The following RBFOX1 variants were observed in gnomAD, a reference collection of about 807,000 sequenced individuals.
The protein encoded by RBFOX1 is RNA binding fox-1 homolog 1, also known as RNA binding protein fox-1 homolog 1.
In RBFOX1, 8 loss-of-function variants were observed where a neutral mutation model predicts 57.7. That is an observed-to-expected ratio of 0.14 (90% CI 0.08 to 0.25). RBFOX1 has a LOEUF of 0.25. RBFOX1 is among the 10% of genes least tolerant of loss of function. The pLI is 1.00. For synonymous variants in RBFOX1, 326 were observed against 222.4 expected, an observed-to-expected ratio of 1.47 and a Z score of -4.15; for missense variants, 611 against 548.5, an observed-to-expected ratio of 1.11 and a Z score of -1.14.
At chr16:6,823,974 GA>G (rs1234207506) in intron 3 of RBFOX1, among the ~76,000 whole-genome samples, 4 of 152,212 alleles carry the variant, frequency 2.6e-5, no homozygotes, top group African/African-American at 9.7e-5. Context: ...TCCAAATCTT[GA>G]AGGATGGGTA....
intron 1 of RBFOX1, among the ~76,000 whole-genome samples, chr16:6,271,091 A>G (rs1051640027): frequency 6.6e-6 from 1 of 152,198 alleles, no homozygotes; most frequent in African/African-American, 2.4e-5. Flanking sequence ...GAGAAGAGGA[A>G]AAGCTTCAAA....
chr16:7,057,943 G>A (rs1039579031), intron 4 of RBFOX1, among the ~76,000 whole-genome samples: 16 of 150,324 alleles, frequency 1.1e-4, no homozygotes, highest in African/African-American at 3.9e-4. Context: ...GGGAGGTGGA[G>A]GTTGCAGTGA....
chr16:7,245,303 T>C (rs964566719), intron 4 of RBFOX1, among the ~76,000 whole-genome samples: 1 of 152,224 alleles, frequency 6.6e-6, no homozygotes, highest in African/African-American at 2.4e-5. Flanking sequence ...ATCTTTTGTT[T>C]CCTGTACTCT....
intron 1 of RBFOX1, among the ~76,000 whole-genome samples, chr16:5,276,062 G>A (rs922482583): frequency 8.5e-5 from 13 of 152,096 alleles, no homozygotes; most frequent in Admixed American, 7.2e-4. Context: ...TTAAATCTAA[G>A]GTCTGAAACC....
At chr16:7,018,827 A>G (rs1449839092) in intron 3 of RBFOX1, among the ~76,000 whole-genome samples, 1 of 151,952 alleles carries the variant, frequency 6.6e-6, no homozygotes, top group Non-Finnish European at 1.5e-5. Context: ...ACAGATTAAA[A>G]CCCACTCTAG....
chr16:6,483,793 G>A, intron 2 of RBFOX1: 7 of 1,384,546 alleles, frequency 5.1e-6, no homozygotes, highest in Middle Eastern at 5.4e-4. Flanking sequence ...AGACACGGTG[G>A]CGGCGTGTGC....
intron 2 of RBFOX1, among the ~76,000 whole-genome samples, chr16:5,594,329 T>C (rs1190209310): frequency 2.0e-5 from 3 of 152,214 alleles, no homozygotes; most frequent in Admixed American, 6.5e-5. Context: ...TACATGAATA[T>C]GTCTGTGAGC....
chr16:6,767,783 G>A (rs900556293), intron 3 of RBFOX1, among the ~76,000 whole-genome samples: 5 of 151,662 alleles, frequency 3.3e-5, no homozygotes, highest in Admixed American at 1.3e-4. Flanking sequence ...GCATGGTGAC[G>A]GGTGCCTGTA....
intron 1 of RBFOX1, among the ~76,000 whole-genome samples, chr16:6,062,621 T>TATACATATA (rs6145734): frequency 1.4e-5 from 2 of 147,712 alleles, no homozygotes; most frequent in Admixed American, 6.8e-5. Flanking sequence ...AATATATAAA[T>TATACATATA]ATATATAACA....
At chr16:6,184,263 C>T (rs937313558) in intron 1 of RBFOX1, among the ~76,000 whole-genome samples, 2 of 152,220 alleles carry the variant, frequency 1.3e-5, no homozygotes, top group African/African-American at 4.8e-5. Flanking sequence ...ACAGCCAAAC[C>T]ATATCAGAGG....
rs149257416 is a variant in RBFOX1, at chr16:6,307,752, A to G, written c.-126-9243A>G. Reference sequence around the variant, plus strand: ...TGATAATTATTTCCATATTTTATACATGATGATTGTTTATATTATTTATAT... The same window carrying G: ...TGATAATTATTTCCATATTTTATACGTGATGATTGTTTATATTATTTATAT... On this transcript the variant is annotated intron_variant, in intron 1 of 15. Coordinates refer to ENST00000550418, the MANE Select transcript of RBFOX1 (RefSeq NM_018723.4). Among the ~76,000 whole-genome samples, 32 of 146,892 alleles carry G rather than the reference A, an allele frequency of 2.2e-4. No individual in the cohort carries two copies. The East Asian group carries it at 5.2e-3, about 24-fold the overall frequency.
chr16:7,567,477 ATGTATGGCC>A (rs2092100071), intron 5 of RBFOX1, among the ~76,000 whole-genome samples: 1 of 73,582 alleles, frequency 1.4e-5, no homozygotes, highest in Non-Finnish European at 2.8e-5. Flanking sequence ...ATATATCCCT[ATGTATGGCC>A]CTATATGTAT....
At chr16:5,975,989 C>G (rs1008642288) in intron 4 of RBFOX1, among the ~76,000 whole-genome samples, 1 of 151,874 alleles carries the variant, frequency 6.6e-6, no homozygotes, top group Non-Finnish European at 1.5e-5. Context: ...GCTAATAATA[C>G]AAAAATTAGC....
chr16:5,559,020 C>G (rs748796504), intron 2 of RBFOX1, among the ~76,000 whole-genome samples: 30 of 152,136 alleles, frequency 2.0e-4, no homozygotes, highest in Non-Finnish European at 4.3e-4. Context: ...TACCCTGAAA[C>G]CATAGCAGTT....
chr16:6,949,876 A>G (rs1447080201), intron 3 of RBFOX1, among the ~76,000 whole-genome samples: 2 of 151,700 alleles, frequency 1.3e-5, no homozygotes, highest in African/African-American at 2.4e-5. Context: ...CTGTTGCTGA[A>G]CTGTTCTCCC....
chr16:5,527,071 T>G (rs562827337), intron 2 of RBFOX1, among the ~76,000 whole-genome samples: 1 of 152,322 alleles, frequency 6.6e-6, no homozygotes, highest in East Asian at 1.9e-4. Flanking sequence ...TCAGTAATTA[T>G]GATAGAAACC....
intron 3 of RBFOX1, among the ~76,000 whole-genome samples, chr16:5,859,383 C>G (rs754210869): frequency 1.3e-5 from 2 of 152,166 alleles, no homozygotes; most frequent in Non-Finnish European, 2.9e-5. Flanking sequence ...GCCAGACGTT[C>G]CCATTGAATA....
intron 4 of RBFOX1, among the ~76,000 whole-genome samples, chr16:7,379,499 T>G (rs753291229): frequency 6.6e-6 from 1 of 152,190 alleles, no homozygotes; most frequent in African/African-American, 2.4e-5. Flanking sequence ...TGTGGATAAT[T>G]TACTAAAAAA....
intron 2 of RBFOX1, among the ~76,000 whole-genome samples, chr16:6,400,412 T>A (rs2093021192): frequency 6.6e-6 from 1 of 152,152 alleles, no homozygotes; most frequent in South Asian, 2.1e-4. Context: ...AATGATGATA[T>A]CTCAAGGCTT....
Sources: gnomAD v4.1 joint callset for allele counts (sites outside exome capture counted in the v4.1 genomes callset) on GRCh38, gnomAD v4.1.1 for gene constraint, MANE v1.5 for transcripts, NCBI Gene and HGNC (gene_info 2026-07-23, HGNC 2026-07-21) for gene names.